The following BRIP1 variants were observed in gnomAD, a reference collection of about 807,000 sequenced individuals.
BRIP1 encodes BRCA1 interacting DNA helicase 1, also known as Fanconi anemia group J protein.
In BRIP1, 88 loss-of-function variants were observed where a neutral mutation model predicts 119.7. The ratio of observed to expected loss-of-function variants is 0.74; its 90% CI spans 0.62 to 0.88. BRIP1 has a LOEUF of 0.88. BRIP1 is among the 40% of genes least tolerant of loss of function. The pLI is 0.00. For synonymous variants in BRIP1, 443 were observed against 496.5 expected (o/e 0.89, Z 1.43); for missense variants, 1,259 against 1,455.4 (o/e 0.87, Z 2.20).
intron 6 of BRIP1, among the ~76,000 whole-genome samples, chr17:61,829,156 G>T (rs1283457126): frequency 4.6e-5 from 7 of 152,000 alleles, no homozygotes; most frequent in Admixed American, 4.6e-4. Context: ...AGAAGAGGTT[G>T]TCAGATTGGA....
chr17:61,847,166 C>G lies in BRIP1; in HGVS notation c.562G>C (p.Asp188His), dbSNP rs2145743705. ...TEVHNLDAKV[D>H]SGKTVKLNSP... ...TTGAGTTTTACAGTCTTTCCTGAAT[C>G]AACTTTTGCATCCAAATTGTGTACT... The change falls in exon 6 of 20, where the codon GAT (aspartate) becomes CAT (histidine). Residue 188 changes from aspartate to histidine, a missense_variant. Physicochemically the swap from Asp to His is moderately conservative, Grantham distance 81. Transcript: ENST00000259008. 6.2e-7 allele frequency: 1 copy of G among 1,613,584 alleles called. No individual in the cohort carries two copies.
chr17:61,680,893 C>T lies in BRIP1; in HGVS notation c.*2403G>A, dbSNP rs559044859. 6.6e-6 allele frequency among the ~76,000 whole-genome samples: 1 copy of T among 152,250 alleles called. No individual in the cohort carries two copies. Among genetic ancestry groups the T allele is most frequent in the East Asian group, 1.9e-4 (1 of 5,188 alleles). ...CCATCTGTGTCAGTCTGTTCTCATG[C>T]TGCTAATAAAGTCATACCCAAGACT... On this transcript the variant is annotated 3_prime_UTR_variant, in exon 20 of 20. Coordinates refer to ENST00000259008, the MANE Select transcript of BRIP1 (RefSeq NM_032043.3).
chr17:61,783,194 C>T (rs1191689648), intron 11 of BRIP1, among the ~76,000 whole-genome samples: 1 of 152,098 alleles, frequency 6.6e-6, no homozygotes, highest in East Asian at 1.9e-4. Flanking sequence ...TATATACATA[C>T]AATGGAGTAT....
chr17:61,721,785 C>T (rs1288880934), intron 16 of BRIP1, among the ~76,000 whole-genome samples: 1 of 150,504 alleles, frequency 6.6e-6, no homozygotes, highest in African/African-American at 2.5e-5. Context: ...GCAACCTCCA[C>T]CTCCTGGGTT....
Position 61,722,065 on chromosome 17 carries a change from G to A in BRIP1, c.2380-6002C>T, listed in dbSNP as rs145086475. On this transcript the variant is annotated intron_variant, in intron 16 of 19. Coordinates refer to ENST00000259008, the MANE Select transcript of BRIP1 (RefSeq NM_032043.3). This position sits in a 1 kb window ranked among gnomAD's most constrained non-coding sequence, Gnocchi z 4.6. ...TTTTTTTTTTCTTTTTTTTTGAGAC[G>A]GAGTCTTGCTCAATCACCCAGGCTG... 5.0e-3 allele frequency among the ~76,000 whole-genome samples: 743 copies of A among 147,146 alleles called. 1 individual carries two copies. Among genetic ancestry groups the A allele is most frequent in the African/African-American group, 0.018 (707 of 39,692 alleles).
rs182111008 is a variant in BRIP1, at chr17:61,829,431, T to C, written c.627+17670A>G. ...TGAAAACCCATGAAGCAAAAACTGGTAGAATTGAAAGAAAAGGCAAATCCA... is the reference window on the plus strand; with the variant it reads ...TGAAAACCCATGAAGCAAAAACTGGCAGAATTGAAAGAAAAGGCAAATCCA... On this transcript the variant is annotated intron_variant, in intron 6 of 19. Transcript: ENST00000259008. Among the ~76,000 whole-genome samples, 26 of 151,690 alleles carry C rather than the reference T, an allele frequency of 1.7e-4. No individual in the cohort carries two copies. The East Asian group carries it at 3.5e-3, about 20-fold the overall frequency.
rs2077782906 is a variant in BRIP1 at position 61,789,464 on chromosome 17, A to G, written c.1473+4133T>C. Among the ~76,000 whole-genome samples the G allele has an allele frequency of 6.6e-6, 1 of 152,152 alleles. No individual in the cohort carries two copies. The highest frequency in any genetic ancestry group is 1.5e-5 in the Non-Finnish European group (1 of 68,016). On this transcript the variant is annotated intron_variant, in intron 10 of 19. Transcript: ENST00000259008. The surrounding 1 kb of genome is among the most constrained non-coding windows in gnomAD (Gnocchi z 4.8). ...AAACAAAATGAATCCAAGGCTTTGT[A>G]AAAGTATTTATAAATCCCATCCTTT...
intron 16 of BRIP1, among the ~76,000 whole-genome samples, chr17:61,732,466 G>A (rs1192724017): frequency 1.3e-5 from 2 of 152,058 alleles, no homozygotes; most frequent in South Asian, 4.1e-4. Context: ...CAAGGGAGGC[G>A]AAAGGTGTTG....
At position 61,842,379 on chromosome 17, in the gene BRIP1, C is replaced by T. The variant is rs1381933280; in HGVS notation, c.627+4722G>A. 6.6e-6 allele frequency among the ~76,000 whole-genome samples: 1 copy of T among 152,056 alleles called. No individual in the cohort carries two copies. Among genetic ancestry groups the T allele is most frequent in the Non-Finnish European group, 1.5e-5 (1 of 68,010 alleles). On this transcript the variant is annotated intron_variant, in intron 6 of 19. Transcript: ENST00000259008. This position sits in a 1 kb window ranked among gnomAD's most constrained non-coding sequence, Gnocchi z 5.1. ...GAATAAGTTCTGGTATTCTATAGCA[C>T]TCTAGGGTAAATATGGTTAACAATA...
Position 61,780,889 on chromosome 17 carries a change from T to C in BRIP1, c.1745A>G (p.Gln582Arg), listed in dbSNP as rs750288231. 1 of 1,614,214 alleles carries C rather than the reference T, an allele frequency of 6.2e-7. No individual in the cohort carries two copies. The highest frequency in any genetic ancestry group is 8.5e-7 in the Non-Finnish European group (1 of 1,180,032). The change falls in exon 12 of 20, where the codon CAG (glutamine) becomes CGG (arginine). Residue 582 changes from glutamine to arginine, a missense_variant. Around this residue, in one of 3 missense-constraint regions of BRIP1, gnomAD observed 753 missense variants for 891.8 expected, o/e 0.84. Transcript: ENST00000259008. This position sits in a 1 kb window ranked among gnomAD's most constrained non-coding sequence, Gnocchi z 5.4. ...GTTTAGCACATGAACTGCAGTTTTC[T>C]GTCGTGAACGTTTCTTATTTTTTGG... ...VLPKNKKRSR[Q>R]KTAVHVLNFW...
rs1387447640 is a variant in BRIP1, at chr17:61,834,327, T to C, written c.627+12774A>G. On this transcript the variant is annotated intron_variant, in intron 6 of 19. Coordinates refer to ENST00000259008, the MANE Select transcript of BRIP1 (RefSeq NM_032043.3). The surrounding 1 kb of genome is among the most constrained non-coding windows in gnomAD (Gnocchi z 4.4). Reference sequence around the variant, plus strand: ...ATATATACTACAGTATCAACCCCTTTACAGGGGTTGAGCTCTGTACAACAC... The same window carrying C: ...ATATATACTACAGTATCAACCCCTTCACAGGGGTTGAGCTCTGTACAACAC... 6.6e-6 allele frequency among the ~76,000 whole-genome samples: 1 copy of C among 152,076 alleles called. No individual in the cohort carries two copies.
At chr17:61,714,430 ATTAC>A (rs1407570697) in intron 17 of BRIP1, among the ~76,000 whole-genome samples, 1 of 152,136 alleles carries the variant, frequency 6.6e-6, no homozygotes, top group Admixed American at 6.6e-5. Context: ...TATATACTCA[ATTAC>A]TTATCCTTGT....
rs2061295225 is a variant in BRIP1 at position 61,683,301 on chromosome 17, TA to T, written c.3744del (p.Phe1248LeufsTer6). ...AGCTTGAGAGTTAAGTATTATTACT[TA>T]AAACCAGGAAACATGCCTTTATTTT... Reference protein sequence around the residue: ...PSKNKGMFPGFK With the variant: ...PSKNKGMFPGXK On this transcript the variant is annotated frameshift_variant, in exon 20 of 20. Transcript: ENST00000259008. LOFTEE classifies it high-confidence loss of function. This position sits in a 1 kb window ranked among gnomAD's most constrained non-coding sequence, Gnocchi z 4.7. 2 of 1,608,236 alleles carry T rather than the reference TA, an allele frequency of 1.2e-6. No individual in the cohort carries two copies. The highest frequency in any genetic ancestry group is 1.7e-6 in the Non-Finnish European group (2 of 1,175,248).
chr17:61,772,157 TTATATATATATATATATATATA>T (rs71150699), intron 14 of BRIP1, among the ~76,000 whole-genome samples: 2,393 of 76,870 alleles, frequency 0.031, 117 homozygotes, highest in African/African-American at 0.11. Context: ...AAATGTGAGA[TTATATATATATATATATATATA>T]TATATATATA....
Position 61,808,600 on chromosome 17 carries a change from T to G in BRIP1, c.785A>C (p.Glu262Ala), listed in dbSNP as rs876658283. ...CCCTGAATATGCCGTCCTCCGGAGC[T>G]CTCTAGTAATCTGAGCAATCTGCTT... The part of the protein sequence containing the change: ...THKQIAQITR[E>A]LRRTAYSGVP... Residue 262 changes from glutamate (E) to alanine (A), a missense_variant, in exon 7 of 20, where the codon GAG becomes GCG. This residue lies in a region of BRIP1 where 501 missense variants were observed against 544.0 expected (regional missense o/e 0.92). Transcript: ENST00000259008. This position sits in a 1 kb window ranked among gnomAD's most constrained non-coding sequence, Gnocchi z 4.1. 3 of 1,613,952 alleles carry G rather than the reference T, an allele frequency of 1.9e-6. No individual in the cohort carries two copies. The highest frequency in any genetic ancestry group is 2.5e-6 in the Non-Finnish European group (3 of 1,179,938).
rs951792321 is a variant in BRIP1 at position 61,802,582 on chromosome 17, G to A, written c.919-1108C>T. On this transcript the variant is annotated intron_variant, in intron 7 of 19. Coordinates refer to ENST00000259008, the MANE Select transcript of BRIP1 (RefSeq NM_032043.3). The surrounding 1 kb of genome is among the most constrained non-coding windows in gnomAD (Gnocchi z 6.0). ...TTCCCTTTGTTTTCTTCTGTCTAGC[G>A]TATTAAAAATCATACAAGGAAAATC... 9.9e-5 allele frequency among the ~76,000 whole-genome samples: 15 copies of A among 152,232 alleles called. No homozygotes were observed. Among genetic ancestry groups the A allele is most frequent in the African/African-American group, 2.9e-4 (12 of 41,548 alleles).
intron 14 of BRIP1, among the ~76,000 whole-genome samples, chr17:61,747,071 T>C (rs2077067493): frequency 1.3e-5 from 2 of 152,002 alleles, no homozygotes; most frequent in African/African-American, 2.4e-5. Context: ...TAACACACTT[T>C]TGAACAACCA....
Position 61,795,295 on chromosome 17 carries a change from C to A in BRIP1, c.1341-1566G>T, listed in dbSNP as rs1235246796. ...AAATGTACAGTTAAATCATTATTGA[C>A]TATAGTCACACTGTTGTGCTATCAA... On this transcript the variant is annotated intron_variant, in intron 9 of 19. Transcript: ENST00000259008. The surrounding 1 kb of genome is among the most constrained non-coding windows in gnomAD (Gnocchi z 5.6). 6.6e-6 allele frequency among the ~76,000 whole-genome samples: 1 copy of A among 152,014 alleles called. No homozygotes were observed. The highest frequency in any genetic ancestry group is 1.9e-4 in the East Asian group (1 of 5,184).
rs61754143 is a variant in BRIP1, at chr17:61,808,590, C to T, written c.795G>A (p.Arg265=). Residue 265 remains arginine, a synonymous_variant, in exon 7 of 20, where the codon AGG becomes AGA. Coordinates refer to ENST00000259008, the MANE Select transcript of BRIP1 (RefSeq NM_032043.3). The surrounding 1 kb of genome is among the most constrained non-coding windows in gnomAD (Gnocchi z 4.1). Reference sequence around the variant, plus strand: ...TCATTGGAACCCCTGAATATGCCGTCCTCCGGAGCTCTCTAGTAATCTGAG... The same window carrying T: ...TCATTGGAACCCCTGAATATGCCGTTCTCCGGAGCTCTCTAGTAATCTGAG... ...QIAQITRELR[R]TAYSGVPMTI... 7.4e-6 allele frequency: 12 copies of T among 1,613,882 alleles called. No individual in the cohort carries two copies. Among genetic ancestry groups the T allele is most frequent in the Non-Finnish European group, 1.0e-5 (12 of 1,179,922 alleles).
Sources: gnomAD v4.1 joint callset for allele counts (sites outside exome capture counted in the v4.1 genomes callset) on GRCh38, gnomAD v4.1.1 for gene constraint, gnomAD v4.1.1 regional missense constraint, Gnocchi (gnomAD v3.1) non-coding constraint, MANE v1.5 for transcripts, NCBI Gene and HGNC (gene_info 2026-07-23, HGNC 2026-07-21) for gene names.